PRKN: variants seen among roughly 807,000 people sequenced by gnomAD.
PRKN encodes E3 ubiquitin-protein ligase parkin.
A neutral mutation model predicts 59.5 loss-of-function variants in PRKN; 56 were observed. The ratio of observed to expected loss-of-function variants is 0.94; its 90% confidence interval spans 0.76 to 1.18. The LOEUF is 1.18. PRKN is among the 50% of genes most tolerant of loss of function. PRKN has a pLI of 0.00. For missense variants in PRKN, 657 were observed against 596.4 expected (o/e 1.10, Z -1.06); for synonymous variants, 250 against 222.1 (o/e 1.13, Z -1.12).
intron 2 of PRKN, among the ~76,000 whole-genome samples, chr6:162,384,924 C>T (rs1040650547): frequency 4.6e-5 from 7 of 152,030 alleles, no homozygotes; most frequent in Non-Finnish European, 8.8e-5. Context: ...CACTAAAATA[C>T]CCTGCCTTCC....
chr6:162,264,969 C>T lies in PRKN; in HGVS notation c.172-2204G>A, dbSNP rs193046137. ...CTTTTACATCTCAATAGTCACCTCCCCGTTTTAGGCCTTCCTCATGATAAT... is the reference window on the plus strand; with the variant it reads ...CTTTTACATCTCAATAGTCACCTCCTCGTTTTAGGCCTTCCTCATGATAAT... On this transcript the variant is annotated intron_variant, in intron 2 of 11. Transcript: ENST00000366898. Among the ~76,000 whole-genome samples the T allele has an allele frequency of 3.0e-3, 460 of 152,218 alleles. 3 individuals carry two copies. The highest frequency in any genetic ancestry group is 0.011 in the African/African-American group (445 of 41,538).
intron 7 of PRKN, among the ~76,000 whole-genome samples, chr6:161,756,112 T>G (rs548484421): frequency 7.9e-5 from 12 of 152,162 alleles, no homozygotes; most frequent in Non-Finnish European, 4.4e-5. Flanking sequence ...GAACACATAG[T>G]TCATGAAAAT....
intron 1 of PRKN, among the ~76,000 whole-genome samples, chr6:162,612,002 G>A (rs207467562): frequency 8.6e-5 from 13 of 151,106 alleles, no homozygotes; most frequent in South Asian, 4.2e-4. Context: ...TGGCTAACAC[G>A]GTGAAACCCC....
intron 2 of PRKN, among the ~76,000 whole-genome samples, chr6:162,415,737 A>C (rs1788597209): frequency 6.6e-6 from 1 of 152,144 alleles, no homozygotes; most frequent in African/African-American, 2.4e-5. Context: ...GAATCGCTTG[A>C]ACCCGGGAGG....
At position 161,355,812 on chromosome 6, in the gene PRKN, G is replaced by A. The variant is rs1369516439; in HGVS notation, c.1285+4276C>T. On this transcript the variant is annotated intron_variant, in intron 11 of 11. Transcript: ENST00000366898. This position sits in a 1 kb window ranked among gnomAD's most constrained non-coding sequence, Gnocchi z 6.8. ...ATCTCACCGGCTTATGTTCTAAAGAGCGACAGATGGGGAACATGTAAATGA... is the reference window on the plus strand; with the variant it reads ...ATCTCACCGGCTTATGTTCTAAAGAACGACAGATGGGGAACATGTAAATGA... Among the ~76,000 whole-genome samples, 1 of 152,204 alleles carries A rather than the reference G, an allele frequency of 6.6e-6. No homozygotes were observed. Among genetic ancestry groups the A allele is most frequent in the Non-Finnish European group, 1.5e-5 (1 of 68,044 alleles).
intron 7 of PRKN, among the ~76,000 whole-genome samples, chr6:161,640,139 T>G (rs1783685054): frequency 6.6e-6 from 1 of 152,234 alleles, no homozygotes; most frequent in Admixed American, 6.5e-5. Flanking sequence ...AACCACTTAA[T>G]CCTTTTTCCA....
intron 3 of PRKN, among the ~76,000 whole-genome samples, chr6:162,249,586 C>G (rs1034224403): frequency 6.6e-6 from 1 of 152,048 alleles, no homozygotes; most frequent in African/African-American, 2.4e-5. Flanking sequence ...GAGAGAATGT[C>G]TTGGAATTGT....
At chr6:161,733,793 T>TATATATATATATATATATAC (rs1562641758) in intron 7 of PRKN, among the ~76,000 whole-genome samples, 1 of 70,048 alleles carries the variant, frequency 1.4e-5, no homozygotes, top group African/African-American at 5.7e-5. Flanking sequence ...AATATATATA[T>TATATATATATATATATATAC]ATATGTATAT....
Position 162,491,105 on chromosome 6 carries a change from GA to G in PRKN, c.8-47633del, listed in dbSNP as rs397712852. Among the ~76,000 whole-genome samples, 147 of 138,188 alleles carry G rather than the reference GA, an allele frequency of 1.1e-3. 2 individuals carry two copies. The Middle Eastern group carries it at 0.011, about 10-fold the overall frequency. 90.7% of individuals were successfully genotyped at this position (138,188 alleles called of 152,430 possible). On this transcript the variant is annotated intron_variant, in intron 1 of 11. Transcript: ENST00000366898. ...GTGACAAGAGTGAAACTCTGTCTCA[GA>G]AAAAAAAAAAAAAATTAGCCAGGTC...
intron 5 of PRKN, among the ~76,000 whole-genome samples, chr6:161,993,757 A>C (rs9365356): frequency 6.6e-6 from 1 of 152,000 alleles, no homozygotes; most frequent in Non-Finnish European, 1.5e-5. Context: ...CGGTTCTGCA[A>C]GCTGTAAAAG....
rs1583194438 is a variant in PRKN at position 161,530,547 on chromosome 6, A to C, written c.1083+18307T>G. On this transcript the variant is annotated intron_variant, in intron 9 of 11. Transcript: ENST00000366898. The surrounding 1 kb of genome is among the most constrained non-coding windows in gnomAD (Gnocchi z 5.0). ...TTTTTTTTTTTTGAGATGGAGTTTC[A>C]CTCTTGTTGCCCAGGCTGGAGTGCA... Among the ~76,000 whole-genome samples the C allele has an allele frequency of 1.4e-5, 2 of 139,358 alleles. No homozygotes were observed. The highest frequency in any genetic ancestry group is 1.5e-4 in the Admixed American group (2 of 13,508). 91.4% of individuals were successfully genotyped at this position (139,358 alleles called of 152,430 possible).
chr6:162,288,361 C>T lies in PRKN; in HGVS notation c.172-25596G>A, dbSNP rs1416287532. Among the ~76,000 whole-genome samples, 7 of 152,188 alleles carry T rather than the reference C, an allele frequency of 4.6e-5. No individual in the cohort carries two copies. The East Asian group carries it at 1.2e-3, about 25-fold the overall frequency. ...GCAGCATCTGTGACTATGAAGAATG[C>T]CACCCGTGTGATTAGGTTACACTAT... On this transcript the variant is annotated intron_variant, in intron 2 of 11. Transcript: ENST00000366898.
At chr6:162,068,657 T>C (rs2128289937) in intron 4 of PRKN, among the ~76,000 whole-genome samples, 1 of 152,262 alleles carries the variant, frequency 6.6e-6, no homozygotes, top group South Asian at 2.1e-4. Flanking sequence ...CTTCATCAAG[T>C]CAACAAGGAG....
Position 161,377,797 on chromosome 6 carries a change from C to A in PRKN, c.1167+8997G>T, listed in dbSNP as rs1224991850. Among the ~76,000 whole-genome samples the A allele has an allele frequency of 6.6e-6, 1 of 152,110 alleles. No individual in the cohort carries two copies. Among genetic ancestry groups the A allele is most frequent in the African/African-American group, 2.4e-5 (1 of 41,416 alleles). ...CCAGAGAGCTGTCTTGCCCCTTCTACCATGTGAGGGTATAGCTAGAAGACG... is the reference window on the plus strand; with the variant it reads ...CCAGAGAGCTGTCTTGCCCCTTCTAACATGTGAGGGTATAGCTAGAAGACG... On this transcript the variant is annotated intron_variant, in intron 10 of 11. Transcript: ENST00000366898. This position sits in a 1 kb window ranked among gnomAD's most constrained non-coding sequence, Gnocchi z 4.2.
intron 2 of PRKN, among the ~76,000 whole-genome samples, chr6:162,346,414 G>A (rs112573969): frequency 6.8e-6 from 1 of 147,306 alleles, no homozygotes; most frequent in Non-Finnish European, 1.5e-5. Flanking sequence ...CCAGGAGTTC[G>A]AGACCAGCCT....
chr6:162,346,388 G>A (rs1406837939), intron 2 of PRKN, among the ~76,000 whole-genome samples: 1 of 150,294 alleles, frequency 6.7e-6, no homozygotes, highest in African/African-American at 2.5e-5. Context: ...GGCAAAGGTG[G>A]ATGAATTGCT....
Position 161,349,786 on chromosome 6 carries a change from T to C in PRKN, c.*313A>G. ...GATTGCACTTGAATCTGTGCTCTGG[T>C]ATTTGTGTCATCCGGAGGCTGAGAA... is the stretch of plus-strand genomic sequence containing the variant. On this transcript the variant is annotated 3_prime_UTR_variant, in exon 12 of 12. Transcript: ENST00000366898. This position sits in a 1 kb window ranked among gnomAD's most constrained non-coding sequence, Gnocchi z 5.5. 1 of 487,340 alleles carries C rather than the reference T, an allele frequency of 2.1e-6. No homozygotes were observed. The highest frequency in any genetic ancestry group is 3.6e-5 in the East Asian group (1 of 27,882). The allele number at this position is 487,340 out of a possible 1,614,324, so 30.2% of individuals were successfully genotyped here.
At chr6:162,519,455 C>T (rs1230330211) in intron 1 of PRKN, among the ~76,000 whole-genome samples, 1 of 152,046 alleles carries the variant, frequency 6.6e-6, no homozygotes, top group Non-Finnish European at 1.5e-5. Flanking sequence ...TCAGGAGGTG[C>T]CCCAGCCACA....
At position 161,502,117 on chromosome 6, in the gene PRKN, T is replaced by G. The variant is rs1295282585; in HGVS notation, c.1083+46737A>C. On this transcript the variant is annotated intron_variant, in intron 9 of 11. Coordinates refer to ENST00000366898, the MANE Select transcript of PRKN (RefSeq NM_004562.3). The surrounding 1 kb of genome is among the most constrained non-coding windows in gnomAD (Gnocchi z 4.0). Reference sequence around the variant, plus strand: ...TAAAAACTGCTTTTTGTGGATCACATGAAGCAACTCTGAAATGCATTATCC... The same window carrying G: ...TAAAAACTGCTTTTTGTGGATCACAGGAAGCAACTCTGAAATGCATTATCC... Among the ~76,000 whole-genome samples, 1 of 152,188 alleles carries G rather than the reference T, an allele frequency of 6.6e-6. No homozygotes were observed. Among genetic ancestry groups the G allele is most frequent in the Non-Finnish European group, 1.5e-5 (1 of 68,036 alleles).
Sources: gnomAD v4.1 joint callset for allele counts (sites outside exome capture counted in the v4.1 genomes callset) on GRCh38, gnomAD v4.1.1 for gene constraint, Gnocchi (gnomAD v3.1) non-coding constraint, MANE v1.5 for transcripts, NCBI Gene and HGNC (gene_info 2026-07-23, HGNC 2026-07-21) for gene names.